The following CCNY variants were observed in gnomAD, a reference collection of about 807,000 sequenced individuals.
CCNY encodes the protein cyclin Y, also known as cyclin-Y.
In CCNY, 19 loss-of-function variants were observed where a neutral mutation model predicts 42.8. That is an observed-to-expected ratio of 0.44 (90% confidence interval 0.31 to 0.65). The LOEUF is 0.65. Among genes scored for constraint, CCNY ranks in the 30% least tolerant of loss-of-function variants. The probability of loss-of-function intolerance (pLI) is 0.07; values close to 1 mark genes in which losing one functional copy is unlikely to be tolerated. For missense variants in CCNY, 370 were observed against 437.3 expected, an observed-to-expected ratio of 0.85 and a Z score of 1.37; for synonymous variants, 165 against 162.7, an observed-to-expected ratio of 1.01 and a Z score of -0.11.
At chr10:35,375,307 A>C (rs1045647685) in intron 1 of CCNY, among the ~76,000 whole-genome samples, 14 of 152,300 alleles carry the variant, frequency 9.2e-5, no homozygotes, top group Non-Finnish European at 1.5e-4. Flanking sequence ...AGTTGCTCAC[A>C]TTCCTTGGCT....
intron 3 of CCNY, among the ~76,000 whole-genome samples, chr10:35,287,082 T>A (rs1835362849): frequency 6.6e-6 from 1 of 152,232 alleles, no homozygotes; most frequent in African/African-American, 2.4e-5. Flanking sequence ...AGAGTGTTTT[T>A]TATGTAGAAC....
intron 3 of CCNY, among the ~76,000 whole-genome samples, chr10:35,271,426 C>T (rs1345500806): frequency 2.0e-5 from 3 of 152,304 alleles, no homozygotes; most frequent in Non-Finnish European, 4.4e-5. Flanking sequence ...TCTACCAGGT[C>T]CTCACAATGA....
At chr10:35,490,388 T>C (rs913091740) in intron 2 of CCNY, among the ~76,000 whole-genome samples, 2 of 152,240 alleles carry the variant, frequency 1.3e-5, no homozygotes, top group Non-Finnish European at 2.9e-5. Flanking sequence ...TCTGATTTTA[T>C]TTTTGCAATT....
chr10:35,446,612 TTG>T (rs1293049006), intron 1 of CCNY, among the ~76,000 whole-genome samples: 1 of 152,190 alleles, frequency 6.6e-6, no homozygotes, highest in Non-Finnish European at 1.5e-5. Flanking sequence ...CATATCCAGT[TTG>T]TGTTTCATGA....
intron 1 of CCNY, among the ~76,000 whole-genome samples, chr10:35,452,029 T>C (rs915817486): frequency 2.0e-5 from 3 of 152,220 alleles, no homozygotes; most frequent in Non-Finnish European, 4.4e-5. Flanking sequence ...CAAATAGTAA[T>C]GTATGCCAAG....
chr10:35,479,701 T>A (rs1207865670), intron 1 of CCNY, among the ~76,000 whole-genome samples: 15 of 150,344 alleles, frequency 1.0e-4, no homozygotes, highest in African/African-American at 2.2e-4. Flanking sequence ...TGGCACATGT[T>A]TACATATGTA....
intron 2 of CCNY, among the ~76,000 whole-genome samples, chr10:35,492,821 C>G (rs553809373): frequency 6.6e-6 from 1 of 152,222 alleles, no homozygotes; most frequent in African/African-American, 2.4e-5. Flanking sequence ...CCTACCTTCC[C>G]TAGCTTTGTT....
intron 1 of CCNY, among the ~76,000 whole-genome samples, chr10:35,354,178 CAT>C (rs1317292493): frequency 6.7e-6 from 1 of 149,630 alleles, no homozygotes; most frequent in Admixed American, 6.6e-5. Context: ...GGAAGCCATA[CAT>C]AGTCTTTTTT....
intron 7 of CCNY, among the ~76,000 whole-genome samples, chr10:35,531,396 C>CT (rs1247080847): frequency 2.0e-5 from 3 of 152,232 alleles, no homozygotes; most frequent in Non-Finnish European, 4.4e-5. Flanking sequence ...ATTCATTCAT[C>CT]TGTTCATCTG....
intron 3 of CCNY, among the ~76,000 whole-genome samples, chr10:35,328,937 G>A (rs1564370060): frequency 6.6e-6 from 1 of 152,164 alleles, no homozygotes; most frequent in Non-Finnish European, 1.5e-5. Flanking sequence ...AGCTTACTTG[G>A]AGAAATGCAA....
chr10:35,465,251 C>T (rs1028090759), intron 1 of CCNY, among the ~76,000 whole-genome samples: 6 of 152,106 alleles, frequency 3.9e-5, no homozygotes, highest in African/African-American at 1.2e-4. Context: ...TAATGTGGTA[C>T]TGATTTCACT....
intron 2 of CCNY, among the ~76,000 whole-genome samples, chr10:35,489,344 A>C (rs1028540346): frequency 6.6e-6 from 1 of 152,110 alleles, no homozygotes; most frequent in Non-Finnish European, 1.5e-5. Context: ...TCTGTCGCTG[A>C]GGCTGGAGTG....
chr10:35,505,037 C>CT lies in CCNY; in HGVS notation c.264+3514dup, dbSNP rs113033882. On this transcript the variant is annotated intron_variant, in intron 3 of 9. Coordinates refer to ENST00000374704, the MANE Select transcript of CCNY (RefSeq NM_145012.6). ...AAAATTTGCTGACATTTTGACTTTG[C>CT]TTTTTTTTTTTTAAGGTTAGCTGTT... Among the ~76,000 whole-genome samples the CT allele has an allele frequency of 1.1e-3, 147 of 135,028 alleles. 1 individual carries two copies. The Middle Eastern group carries it at 0.017, about 15-fold the overall frequency. 88.6% of individuals were successfully genotyped at this position (135,028 alleles called of 152,430 possible). A position where few individuals can be genotyped will look rare whatever the true frequency, so the allele number is the denominator to read the frequency against.
chr10:35,331,029 G>A lies in CCNY; in HGVS notation c.-9+80403G>A, dbSNP rs1033018736. Among the ~76,000 whole-genome samples, 4 of 152,224 alleles carry A rather than the reference G, an allele frequency of 2.6e-5. No homozygotes were observed. The East Asian group carries it at 7.7e-4, about 29-fold the overall frequency. ...CTGCCTTGGCCTCCCAAAGTGCTAG[G>A]ATTACAGGCGTGAGCCACTGCGCCT... On this transcript the variant is annotated intron_variant, in intron 3 of 11. Coordinates refer to the CCNY transcript ENST00000374706.
intron 7 of CCNY, among the ~76,000 whole-genome samples, chr10:35,544,696 G>A (rs1031477292): frequency 8.5e-5 from 13 of 152,188 alleles, no homozygotes; most frequent in African/African-American, 2.9e-4. Flanking sequence ...AGCAGGCTCA[G>A]CATAAACCAC....
chr10:35,527,573 T>A (rs1840677862), intron 5 of CCNY, among the ~76,000 whole-genome samples: 1 of 152,218 alleles, frequency 6.6e-6, no homozygotes, highest in Admixed American at 6.5e-5. Context: ...GAGATTAATT[T>A]GACTAAGATG....
At position 35,457,943 on chromosome 10, in the gene CCNY, T is replaced by C. The variant is rs191804703; in HGVS notation, c.155-25461T>C. Among the ~76,000 whole-genome samples the C allele has an allele frequency of 4.6e-3, 704 of 152,360 alleles. 3 individuals are homozygous for C. Among genetic ancestry groups the C allele is most frequent in the Non-Finnish European group, 7.7e-3 (526 of 68,044 alleles). On this transcript the variant is annotated intron_variant, in intron 1 of 9. Coordinates refer to ENST00000374704, the MANE Select transcript of CCNY (RefSeq NM_145012.6). ...GAATGCAGAAATATGAGTTGGATTC[T>C]TTCTGAATTTTTTTCCTTCTGTTGT...
intron 1 of CCNY, among the ~76,000 whole-genome samples, chr10:35,454,971 G>A (rs1357404224): frequency 6.6e-6 from 1 of 152,184 alleles, no homozygotes; most frequent in Non-Finnish European, 1.5e-5. Flanking sequence ...AACCTTCCCT[G>A]AATGCAGTGT....
At chr10:35,326,984 T>C (rs1835887400) in intron 3 of CCNY, among the ~76,000 whole-genome samples, 1 of 152,196 alleles carries the variant, frequency 6.6e-6, no homozygotes, top group African/African-American at 2.4e-5. Context: ...CCTGCCTGGA[T>C]TTTGTTCTAA....
Sources: allele counts gnomAD v4.1 joint callset (sites outside exome capture counted in the v4.1 genomes callset), GRCh38; gene constraint gnomAD v4.1.1; transcripts MANE v1.5; gene names NCBI Gene and HGNC (gene_info 2026-07-23, HGNC 2026-07-21).